Variants in DCAF12 observed in about 807,000 individuals in gnomAD.
The protein encoded by DCAF12 is DDB1- and CUL4-associated factor 12.
Under a neutral mutation model 52.8 loss-of-function variants are expected in DCAF12, and 28 were observed. The ratio of observed to expected loss-of-function variants is 0.53; its 90% CI spans 0.39 to 0.73. The LOEUF is 0.73. Among genes scored for constraint, DCAF12 ranks in the 30% least tolerant of loss-of-function variants. The probability of loss-of-function intolerance (pLI) is 0.00; values close to 1 mark genes in which losing one functional copy is unlikely to be tolerated. For missense variants in DCAF12, 425 were observed against 552.2 expected (o/e 0.77, Z 2.31); for synonymous variants, 196 against 215.5 (o/e 0.91, Z 0.79).
At chr9:34,099,020 T>G (rs541148920) in intron 4 of DCAF12, among the ~76,000 whole-genome samples, 1 of 151,282 alleles carries the variant, frequency 6.6e-6, no homozygotes, top group Non-Finnish European at 1.5e-5. Context: ...TCAGCCTGCC[T>G]TGGCCTCCCA....
At chr9:34,107,228 AT>A in intron 3 of DCAF12, 130 bp downstream of exon 3, 1 of 853,050 alleles carries the variant, frequency 1.2e-6, no homozygotes, top group Non-Finnish European at 1.9e-6. Context: ...TTGCCCCTTT[AT>A]CAAATATACA....
At chr9:34,093,566 C>T in intron 6 of DCAF12, 118 bp from the exon 7 acceptor site, 1 of 1,115,260 alleles carries the variant, frequency 9.0e-7, no homozygotes, top group African/African-American at 1.6e-5. Flanking sequence ...AAAATCAAGC[C>T]CTGATTACAG....
intron 4 of DCAF12, among the ~76,000 whole-genome samples, chr9:34,103,089 T>G (rs1587735086): frequency 1.2e-5 from 1 of 85,074 alleles, no homozygotes; most frequent in Non-Finnish European, 2.2e-5. Flanking sequence ...GGCGAGACCT[T>G]AACTCCAAAA....
At chr9:34,118,948 G>C (rs1430942906) in intron 2 of DCAF12, among the ~76,000 whole-genome samples, 2 of 152,130 alleles carry the variant, frequency 1.3e-5, no homozygotes, top group Non-Finnish European at 1.5e-5. Context: ...CTGGGCAACA[G>C]AGTAAGACCC....
intron 2 of DCAF12, among the ~76,000 whole-genome samples, chr9:34,111,062 T>C (rs1828995687): frequency 6.8e-6 from 1 of 148,116 alleles, no homozygotes; most frequent in Non-Finnish European, 1.5e-5. Context: ...CTCAGCTCAC[T>C]GCAACCTCTG....
chr9:34,125,000 G>A (rs578016315), intron 2 of DCAF12, 23 bp downstream of exon 2: 5 of 1,611,626 alleles, frequency 3.1e-6, no homozygotes, highest in African/African-American at 2.7e-5. Context: ...TAGGAGAGAG[G>A]TCACATCCCC....
At chr9:34,107,610 G>A in intron 2 of DCAF12, 45 bp from the exon 3 acceptor site, 1 of 1,533,726 alleles carries the variant, frequency 6.5e-7, no homozygotes, top group Middle Eastern at 1.7e-4. Context: ...AATTTAACGT[G>A]GCCAATACAG....
chr9:34,102,028 A>G lies in DCAF12; in HGVS notation c.602-3511T>C, dbSNP rs1484771181. On this transcript the variant is annotated intron_variant, in intron 4 of 8. Coordinates refer to ENST00000361264, the MANE Select transcript of DCAF12 (RefSeq NM_015397.4). ...AGACCCTGTCGCAAAAAAAAAAAAA[A>G]GATAATAATGACGACTATTCTAGGC... 2.0e-5 allele frequency among the ~76,000 whole-genome samples: 3 copies of G among 148,990 alleles called. No homozygotes were observed. In the East Asian group the frequency reaches 6.0e-4, roughly 30 times the overall value.
intron 2 of DCAF12, among the ~76,000 whole-genome samples, chr9:34,122,256 C>G: frequency 6.6e-6 from 1 of 152,146 alleles, no homozygotes; most frequent in East Asian, 1.9e-4. Context: ...AAAGTTTACA[C>G]AACTCAAGCC....
intron 4 of DCAF12, among the ~76,000 whole-genome samples, chr9:34,105,252 C>CAA (rs111302055): frequency 1.1e-4 from 14 of 122,834 alleles, no homozygotes; most frequent in African/African-American, 3.6e-4. Flanking sequence ...GACTCTGTCT[C>CAA]AAAAAAAAAA....
intron 3 of DCAF12, 49 bp from the exon 4 acceptor site, chr9:34,106,543 T>C: frequency 6.9e-7 from 1 of 1,455,816 alleles, no homozygotes; most frequent in South Asian, 1.2e-5. Context: ...AAGAAATTAG[T>C]AAAATAAGGA....
intron 7 of DCAF12, among the ~76,000 whole-genome samples, chr9:34,091,878 G>A (rs1162828849): frequency 6.6e-6 from 1 of 152,136 alleles, no homozygotes; most frequent in African/African-American, 2.4e-5. Context: ...GTCCCTAGCT[G>A]TTCCCCCATC....
chr9:34,098,822 G>A (rs561480680), intron 4 of DCAF12, among the ~76,000 whole-genome samples: 21 of 152,174 alleles, frequency 1.4e-4, no homozygotes, highest in African/African-American at 4.8e-4. Context: ...AGGCTGGAGT[G>A]CAGTGGTGCG....
At chr9:34,092,972 A>G (rs370075311) in intron 7 of DCAF12, among the ~76,000 whole-genome samples, 1 of 152,074 alleles carries the variant, frequency 6.6e-6, no homozygotes, top group Non-Finnish European at 1.5e-5. Context: ...CAGCCTCCTG[A>G]GCAGCTGGGA....
chr9:34,088,821 C>T (rs879279801), intron 8 of DCAF12, among the ~76,000 whole-genome samples: 5 of 152,092 alleles, frequency 3.3e-5, no homozygotes, highest in Non-Finnish European at 5.9e-5. Flanking sequence ...TTGAATAATT[C>T]ACTGGAGGTG....
intron 4 of DCAF12, among the ~76,000 whole-genome samples, chr9:34,100,495 GCTT>G (rs1255020894): frequency 3.4e-5 from 5 of 146,310 alleles, no homozygotes; most frequent in Non-Finnish European, 7.5e-5. Context: ...ACCACGCCCA[GCTT>G]CTTTTTTTTT....
chr9:34,119,646 C>T (rs1829140877), intron 2 of DCAF12, among the ~76,000 whole-genome samples: 1 of 150,582 alleles, frequency 6.6e-6, no homozygotes, highest in South Asian at 2.1e-4. Context: ...ACATTTTAGG[C>T]AAAAGGGTAT....
At position 34,089,596 on chromosome 9, in the gene DCAF12, A is replaced by G; in HGVS notation, c.1025-6T>C. 1 of 1,598,824 alleles carries G rather than the reference A, an allele frequency of 6.3e-7. No individual in the cohort carries two copies. The highest frequency in any genetic ancestry group is 8.5e-7 in the Non-Finnish European group (1 of 1,170,862). ...GAAACTCACTGACCGGATTCCTGAA[A>G]GACAGAAAAGTAAAAGGCAGTGAGG... On this transcript the variant is annotated splice_polypyrimidine_tract_variant and splice_region_variant and intron_variant, in intron 7 of 8. Transcript: ENST00000361264.
At chr9:34,091,555 G>C (rs1257980817) in intron 7 of DCAF12, among the ~76,000 whole-genome samples, 2 of 147,502 alleles carry the variant, frequency 1.4e-5, no homozygotes, top group East Asian at 4.0e-4. Flanking sequence ...AGGACTGCTT[G>C]AGCCTGGCAG....
Sources: allele counts gnomAD v4.1 joint callset (sites outside exome capture counted in the v4.1 genomes callset), GRCh38; gene constraint gnomAD v4.1.1; transcripts MANE v1.5; gene names NCBI Gene and HGNC (gene_info 2026-07-23, HGNC 2026-07-21).